TBC1D19: variants seen among roughly 807,000 people sequenced by gnomAD.
TBC1D19 encodes TBC1 domain family, member 19.
In TBC1D19, 60 loss-of-function variants were observed where a neutral mutation model predicts 89.0. The observed-to-expected ratio is 0.67, with a 90% confidence interval of 0.55 to 0.84. The LOEUF (loss-of-function observed/expected upper bound fraction) is 0.84, where lower values mean the gene tolerates loss of function less well. Among genes scored for constraint, TBC1D19 ranks in the 40% least tolerant of loss-of-function variants. The pLI, the probability that TBC1D19 is intolerant of heterozygous loss-of-function variation, is 0.00. For missense variants in TBC1D19, 500 were observed against 610.8 expected (o/e 0.82, Z 1.91); for synonymous variants, 189 against 199.7 (o/e 0.95, Z 0.45).
intron 11 of TBC1D19, among the ~76,000 whole-genome samples, chr4:26,674,928 C>T (rs369628963): frequency 1.3e-5 from 2 of 151,896 alleles, no homozygotes; most frequent in East Asian, 3.8e-4. Context: ...ACTATGTATA[C>T]GTGCATGTGT....
At chr4:26,697,957 AG>A (rs999772966) in intron 13 of TBC1D19, among the ~76,000 whole-genome samples, 7 of 152,200 alleles carry the variant, frequency 4.6e-5, no homozygotes, top group Admixed American at 3.3e-4. Context: ...GGCACAAGAC[AG>A]GGATGCCCTC....
intron 11 of TBC1D19, among the ~76,000 whole-genome samples, chr4:26,675,399 A>G (rs1177399952): frequency 6.6e-6 from 1 of 152,142 alleles, no homozygotes; most frequent in Non-Finnish European, 1.5e-5. Flanking sequence ...GTAAAAAGAA[A>G]AAAATTTTTA....
At chr4:26,735,766 C>T (rs1050646806) in intron 16 of TBC1D19, among the ~76,000 whole-genome samples, 27 of 152,204 alleles carry the variant, frequency 1.8e-4, no homozygotes, top group Non-Finnish European at 7.4e-5. Flanking sequence ...ATAGTCCAGG[C>T]GTGGTGGCTC....
At chr4:26,655,793 G>T (rs1051725040) in intron 7 of TBC1D19, among the ~76,000 whole-genome samples, 1 of 152,236 alleles carries the variant, frequency 6.6e-6, no homozygotes, top group Non-Finnish European at 1.5e-5. Flanking sequence ...GGCTAGGAAA[G>T]GGAATTCCCT....
At chr4:26,608,017 G>A (rs1741116923) in intron 1 of TBC1D19, among the ~76,000 whole-genome samples, 1 of 152,206 alleles carries the variant, frequency 6.6e-6, no homozygotes, top group Admixed American at 6.5e-5. Context: ...CTGCTGAGAT[G>A]TAAGGCAAGT....
chr4:26,699,434 C>A (rs1224824940), intron 13 of TBC1D19, among the ~76,000 whole-genome samples: 1 of 152,128 alleles, frequency 6.6e-6, no homozygotes, highest in African/African-American at 2.4e-5. Context: ...ACTAGTTCAA[C>A]CATTGTGGAA....
At chr4:26,702,408 T>C (rs772648170) in intron 13 of TBC1D19, 1 of 152,204 alleles carries the variant, frequency 6.6e-6, no homozygotes, top group African/African-American at 2.4e-5. Flanking sequence ...TCTTATACTA[T>C]GTGTAAACGA....
rs377384852 is a variant in TBC1D19 at position 26,654,393 on chromosome 4, T to G, written c.481-5204T>G. 3.3e-5 allele frequency among the ~76,000 whole-genome samples: 5 copies of G among 152,328 alleles called. No individual in the cohort carries two copies. In the South Asian group the frequency reaches 8.3e-4, roughly 25 times the overall value. ...CGAGGAGTATCTTTCTGGCGTTCTC[T>G]GTATTTCCTGCATTTGAATGTTGGC... is the stretch of plus-strand genomic sequence containing the variant. On this transcript the variant is annotated intron_variant, in intron 7 of 20. Coordinates refer to ENST00000264866, the MANE Select transcript of TBC1D19 (RefSeq NM_018317.4).
chr4:26,702,606 A>G (rs1313502192), intron 13 of TBC1D19, among the ~76,000 whole-genome samples: 1 of 152,110 alleles, frequency 6.6e-6, no homozygotes, highest in Non-Finnish European at 1.5e-5. Context: ...TCCAAATTGT[A>G]TTGTTTTTAG....
At chr4:26,690,765 A>T (rs1714204340) in intron 13 of TBC1D19, among the ~76,000 whole-genome samples, 1 of 152,242 alleles carries the variant, frequency 6.6e-6, no homozygotes, top group Admixed American at 6.5e-5. Context: ...TTCACCCAAA[A>T]TCTCTGATGC....
the TBC1D19 span, among the ~76,000 whole-genome samples, chr4:26,789,755 A>G: frequency 2.0e-5 from 3 of 152,316 alleles, no homozygotes; most frequent in Non-Finnish European, 2.9e-5. Context: ...TGTTTATCAC[A>G]GAACTATGCA....
chr4:26,781,920 C>T, the TBC1D19 span, among the ~76,000 whole-genome samples: 1 of 102,480 alleles, frequency 9.8e-6, no homozygotes, highest in African/African-American at 3.8e-5. Flanking sequence ...TTCCATGTTA[C>T]ATTGATATCT....
At chr4:26,582,251 C>T (rs1739091429), upstream of TBC1D19, among the ~76,000 whole-genome samples, 1 of 151,830 alleles carries the variant, frequency 6.6e-6, no homozygotes, top group Non-Finnish European at 1.5e-5. Flanking sequence ...ACATTTGTTC[C>T]TCATACTGTC....
chr4:26,826,453 A>G, the TBC1D19 span, among the ~76,000 whole-genome samples: 2 of 151,052 alleles, frequency 1.3e-5, no homozygotes, highest in Non-Finnish European at 2.9e-5. Context: ...AACATTATTT[A>G]GAGGGGGGAA....
chr4:26,824,550 A>C, the TBC1D19 span, among the ~76,000 whole-genome samples: 1 of 152,208 alleles, frequency 6.6e-6, no homozygotes, highest in Non-Finnish European at 1.5e-5. Context: ...TCAGCTTCTG[A>C]GTGTATGTCC....
intron 15 of TBC1D19, among the ~76,000 whole-genome samples, chr4:26,734,321 G>T (rs1577998503): frequency 6.6e-6 from 1 of 152,114 alleles, no homozygotes; most frequent in Non-Finnish European, 1.5e-5. Context: ...CAAAATTTTT[G>T]CCTGTGAACA....
At chr4:26,775,718 A>G in the TBC1D19 span, among the ~76,000 whole-genome samples, 2 of 152,208 alleles carry the variant, frequency 1.3e-5, no homozygotes, top group Non-Finnish European at 2.9e-5. Context: ...GTATCCTGTT[A>G]TAGCAGAACA....
the TBC1D19 span, among the ~76,000 whole-genome samples, chr4:26,766,996 A>G: frequency 5.3e-5 from 8 of 152,136 alleles, no homozygotes; most frequent in Non-Finnish European, 1.0e-4. Context: ...TGCCATTTTT[A>G]GGGTTTCATG....
intron 5 of TBC1D19, among the ~76,000 whole-genome samples, 174 bp downstream of exon 5, chr4:26,637,459 G>A (rs1381506039): frequency 2.6e-5 from 4 of 151,970 alleles, no homozygotes; most frequent in African/African-American, 9.7e-5. Flanking sequence ...TGCAACCTCC[G>A]CCTCCTGGGT....
Sources: allele counts gnomAD v4.1 joint callset (sites outside exome capture counted in the v4.1 genomes callset), GRCh38; gene constraint gnomAD v4.1.1; transcripts MANE v1.5; gene names NCBI Gene and HGNC (gene_info 2026-07-23, HGNC 2026-07-21).